Variants in IARS1 observed in about 807,000 individuals in gnomAD.
IARS1 encodes isoleucyl-tRNA synthetase 1.
IARS1 carries 124 observed loss-of-function variants against 168.2 expected under a neutral mutation model. That is an observed-to-expected ratio of 0.74 (90% CI 0.64 to 0.86). The LOEUF is 0.86. IARS1 is among the 40% of genes least tolerant of loss of function. IARS1 has a pLI of 0.00. For missense variants in IARS1, 1,452 were observed against 1,515.8 expected (o/e 0.96, Z 0.70); for synonymous variants, 532 against 529.4 (o/e 1.00, Z -0.07).
In IARS1 at chr9:92,288,139, T is replaced by C; in HGVS notation, c.263A>G (p.His88Arg). ...HVDRRFGWDC[H>R]GLPVEYEIDK... ...ACTCAAACATACCACAGGTAAGCCA[T>C]GGCAATCCCATCCAAATCTTCTGTC... is the stretch of plus-strand genomic sequence containing the variant. The change falls in exon 3 of 34, where the codon CAT (histidine) becomes CGT (arginine). Residue 88 changes from histidine to arginine, a missense_variant. By Grantham distance (29) the His-to-Arg change is conservative (BLOSUM62 0). Coordinates refer to ENST00000443024, the MANE Select transcript of IARS1 (RefSeq NM_002161.6). The C allele has an allele frequency of 1.2e-6, 2 of 1,613,990 alleles. No individual in the cohort carries two copies. Among genetic ancestry groups the C allele is most frequent in the Non-Finnish European group, 1.7e-6 (2 of 1,179,956 alleles).
At chr9:92,250,416 A>G (rs1016628560) in intron 23 of IARS1, 127 bp from the exon 24 acceptor site, 34 of 706,422 alleles carry the variant, frequency 4.8e-5, no homozygotes, top group Non-Finnish European at 7.9e-5. Flanking sequence ...CTGGTGAAGC[A>G]CTGGGGAAGG....
At chr9:92,261,938 G>A (rs922526990) in intron 17 of IARS1, among the ~76,000 whole-genome samples, 4 of 151,820 alleles carry the variant, frequency 2.6e-5, no homozygotes, top group South Asian at 2.1e-4. Context: ...TAGTAGAGAC[G>A]GGGGTTTTAT....
At chr9:92,226,597 C>T (rs1825722215) in intron 31 of IARS1, among the ~76,000 whole-genome samples, 1 of 152,180 alleles carries the variant, frequency 6.6e-6, no homozygotes, top group African/African-American at 2.4e-5. Flanking sequence ...TCTCAAAGTT[C>T]TGGAGGTCAG....
At chr9:92,216,476 G>A (rs2133343775) in intron 33 of IARS1, among the ~76,000 whole-genome samples, 1 of 134,752 alleles carries the variant, frequency 7.4e-6, no homozygotes, top group African/African-American at 2.7e-5. Flanking sequence ...ACACAGACTG[G>A]CAAATTGGAT....
At chr9:92,264,901 C>T (rs1220896208) in intron 16 of IARS1, 28 bp downstream of exon 16, 1 of 1,576,492 alleles carries the variant, frequency 6.3e-7, no homozygotes, top group Admixed American at 1.8e-5. Flanking sequence ...ATCAATAAAA[C>T]ACGTGATGAA....
chr9:92,229,055 T>A lies in IARS1; in HGVS notation c.3355A>T (p.Thr1119Ser). Residue 1119 changes from threonine to serine, a missense_variant, in exon 31 of 34, where the codon ACT becomes TCT. Transcript: ENST00000443024. The stretch of plus-strand genomic sequence containing the variant: ...GTATTTTTCACACCAAAAATGCTAG[T>A]GACAACACTCTTCAGCTTTAAAAGG... ...LDLLKLKSVVTSIFGVKNTEL... is the reference protein window; with the variant it reads ...LDLLKLKSVVSSIFGVKNTEL... 2.5e-6 allele frequency: 4 copies of A among 1,614,138 alleles called. No individual in the cohort carries two copies. The highest frequency in any genetic ancestry group is 3.4e-6 in the Non-Finnish European group (4 of 1,180,000).
chr9:92,240,560 CTT>C (rs772795634), intron 30 of IARS1: 7,057 of 556,302 alleles, frequency 0.013, no homozygotes, highest in South Asian at 0.018. Flanking sequence ...ATGCCTGGCC[CTT>C]TTTTTTTTTT....
At chr9:92,234,495 G>A (rs540447021) in intron 30 of IARS1, among the ~76,000 whole-genome samples, 210 of 152,302 alleles carry the variant, frequency 1.4e-3, no homozygotes, top group African/African-American at 4.6e-3. Flanking sequence ...ACTGACCCAG[G>A]AATGGCCAGT....
chr9:92,271,182 A>T (rs573203706), intron 11 of IARS1, 106 bp from the exon 12 acceptor site: 2 of 638,378 alleles, frequency 3.1e-6, no homozygotes, highest in Admixed American at 6.6e-5. Context: ...CACAAATAAC[A>T]AATATTATTT....
chr9:92,265,490 G>T lies in IARS1; in HGVS notation c.1495C>A (p.His499Asn). 1 of 1,613,556 alleles carries T rather than the reference G, an allele frequency of 6.2e-7. No homozygotes were observed. The highest frequency in any genetic ancestry group is 8.5e-7 in the Non-Finnish European group (1 of 1,179,574). ...ELSGAKISDL[H>N]RESVDHLTIP... ...CATTTAGAAACTGACCTCTCTCTGTGGAGATCTGAGATCTTTGCTCCTGAC... is the reference window on the plus strand; with the variant it reads ...CATTTAGAAACTGACCTCTCTCTGTTGAGATCTGAGATCTTTGCTCCTGAC... Residue 499 changes from histidine to asparagine, a missense_variant, in exon 15 of 34, where the codon CAC (histidine) becomes AAC (asparagine). By Grantham distance (68) the His-to-Asn change is moderately conservative. Coordinates refer to ENST00000443024, the MANE Select transcript of IARS1 (RefSeq NM_002161.6).
intron 8 of IARS1, 91 bp from the exon 9 acceptor site, chr9:92,278,014 G>A (rs1026084335): frequency 7.8e-7 from 1 of 1,283,874 alleles, no homozygotes; most frequent in Non-Finnish European, 1.1e-6. Flanking sequence ...CTGGTTTACT[G>A]GCTTCTTAGC....
chr9:92,219,237 TGGATC>T (rs1839278892), intron 33 of IARS1, among the ~76,000 whole-genome samples: 1 of 152,190 alleles, frequency 6.6e-6, no homozygotes, highest in African/African-American at 2.4e-5. Context: ...AAGCTGAAAC[TGGATC>T]CCTTCCTTAC....
At chr9:92,223,911 G>A (rs1825217240) in intron 31 of IARS1, among the ~76,000 whole-genome samples, 1 of 152,230 alleles carries the variant, frequency 6.6e-6, no homozygotes, top group Admixed American at 6.5e-5. Context: ...CATATGCAGT[G>A]TAATTTCATT....
chr9:92,251,816 T>TG lies in IARS1; in HGVS notation c.2298dup (p.Arg767GlnfsTer12). The TG allele has an allele frequency of 6.2e-7, 1 of 1,613,650 alleles. No individual in the cohort carries two copies. The highest frequency in any genetic ancestry group is 8.5e-7 in the Non-Finnish European group (1 of 1,179,602). Reference sequence around the variant, plus strand: ...GAAGCCAATCATCTTACCATAAGTCTGCAAAGAGAAAGCAGAACACTAAAC... The same window carrying TG: ...GAAGCCAATCATCTTACCATAAGTCTGGCAAAGAGAAAGCAGAACACTAAAC... On this transcript the variant is annotated frameshift_variant, in exon 22 of 34. Transcript: ENST00000443024. LOFTEE classifies it high-confidence loss of function.
chr9:92,263,717 TGCCCAGGAGAGGTA>T (rs1240860995), intron 16 of IARS1, among the ~76,000 whole-genome samples: 2 of 152,116 alleles, frequency 1.3e-5, no homozygotes, highest in African/African-American at 4.8e-5. Context: ...GGAGCCCTGG[TGCCCAGGAGAGGTA>T]GCCCAGGCCT....
intron 14 of IARS1, 86 bp downstream of exon 14, chr9:92,268,087 AC>A: frequency 7.3e-7 from 1 of 1,364,864 alleles, no homozygotes; most frequent in South Asian, 1.6e-5. Context: ...AAAGAAAAAA[AC>A]ACCCTATTCT....
chr9:92,217,493 T>G, intron 33 of IARS1, among the ~76,000 whole-genome samples: 1 of 140,776 alleles, frequency 7.1e-6, no homozygotes, highest in African/African-American at 2.9e-5. Flanking sequence ...GAGCTGGTTT[T>G]TTGAAAGGAT....
chr9:92,271,731 G>A, intron 10 of IARS1, 76 bp from the exon 11 acceptor site: 2 of 1,470,560 alleles, frequency 1.4e-6, no homozygotes, highest in South Asian at 2.3e-5. Context: ...AGATTCCCAA[G>A]ATAATTGTTC....
At chr9:92,230,014 C>G (rs1197206324) in intron 30 of IARS1, among the ~76,000 whole-genome samples, 2 of 152,156 alleles carry the variant, frequency 1.3e-5, no homozygotes, top group Non-Finnish European at 2.9e-5. Flanking sequence ...CAAACAGTCT[C>G]CATTTCTATA....
Sources: gnomAD v4.1 joint callset for allele counts (sites outside exome capture counted in the v4.1 genomes callset) on GRCh38, gnomAD v4.1.1 for gene constraint, MANE v1.5 for transcripts, NCBI Gene and HGNC (gene_info 2026-07-23, HGNC 2026-07-21) for gene names.